UGGT1: variants seen among roughly 807,000 people sequenced by gnomAD.
UGGT1 encodes UDP-glucose glycoprotein glucosyltransferase 1.
Under a neutral mutation model 203.9 loss-of-function variants are expected in UGGT1, and 107 were observed. The ratio of observed to expected loss-of-function variants is 0.52; its 90% CI spans 0.45 to 0.62. The LOEUF (loss-of-function observed/expected upper bound fraction) is 0.62. UGGT1 is among the 20% of genes least tolerant of loss of function. The pLI is 0.00. For missense variants in UGGT1, 1,673 were observed against 1,867.2 expected, an observed-to-expected ratio of 0.90 and a Z score of 1.92; for synonymous variants, 628 against 653.5, an observed-to-expected ratio of 0.96 and a Z score of 0.59.
rs544480760 is a variant in UGGT1, at chr2:128,156,393, A to C, written c.2238A>C (p.Gly746=). 1 of 1,593,226 alleles carries C rather than the reference A, an allele frequency of 6.3e-7. No homozygotes were observed. Among genetic ancestry groups the C allele is most frequent in the South Asian group, 1.1e-5 (1 of 89,932 alleles). The change falls in exon 21 of 41, where the codon GGA becomes GGC. Residue 746 remains glycine (G), a splice_region_variant and synonymous_variant. Coordinates refer to ENST00000259253, the MANE Select transcript of UGGT1 (RefSeq NM_020120.4). ...TCTTTTCTCTTTACCTTTGTTCAGG[A>C]ATGTCCTCCAAGGAAATCTATGGTA... ...ANSMNYLTKK[G]MSSKEIYDDS... is the part of the protein sequence containing the mutation.
At chr2:128,110,546 T>C (rs973211178) in intron 5 of UGGT1, among the ~76,000 whole-genome samples, 1 of 152,218 alleles carries the variant, frequency 6.6e-6, no homozygotes, top group African/African-American at 2.4e-5. Context: ...ACAGTAGTGC[T>C]GTCTCTTGGG....
At chr2:128,128,380 T>G (rs999655153) in intron 12 of UGGT1, among the ~76,000 whole-genome samples, 1 of 151,718 alleles carries the variant, frequency 6.6e-6, no homozygotes, top group African/African-American at 2.4e-5. Context: ...GGCATGGTCT[T>G]GGCTCACTGC....
At chr2:128,112,454 T>TTATA (rs59726004) in intron 5 of UGGT1, among the ~76,000 whole-genome samples, 735 of 55,800 alleles carry the variant, frequency 0.013, 145 homozygotes, top group Middle Eastern at 0.039. Flanking sequence ...AAATACTATG[T>TTATA]TATATATATA....
intron 24 of UGGT1, 126 bp downstream of exon 24, chr2:128,160,717 G>A: frequency 5.9e-6 from 8 of 1,353,510 alleles, no homozygotes; most frequent in African/African-American, 1.5e-5. Context: ...GGCTTATGAA[G>A]TGCCATTGAT....
chr2:128,097,634 AG>A, intron 2 of UGGT1, 70 bp downstream of exon 2: 1 of 1,568,102 alleles, frequency 6.4e-7, no homozygotes, highest in South Asian at 1.1e-5. Context: ...AACATTCAGG[AG>A]CTTTTTAAGG....
At chr2:128,176,129 G>A (rs760652657) in intron 31 of UGGT1, among the ~76,000 whole-genome samples, 1 of 152,088 alleles carries the variant, frequency 6.6e-6, no homozygotes, top group Non-Finnish European at 1.5e-5. Flanking sequence ...AGTAGTGGCC[G>A]GGAGTGATGG....
chr2:128,113,320 A>C lies in UGGT1; in HGVS notation c.696+62A>C, dbSNP rs1420545274. 4 of 1,289,030 alleles carry C rather than the reference A, an allele frequency of 3.1e-6. No homozygotes were observed. The African/African-American group carries it at 4.5e-5, about 15-fold the overall frequency. The allele number at this position is 1,289,030 out of a possible 1,614,324, so 79.8% of individuals were successfully genotyped here. ...AATTTGCCTAGCATGACTTTAGAACATAAGCTAATAATCTCCCTCTTTATA... is the reference window on the plus strand; with the variant it reads ...AATTTGCCTAGCATGACTTTAGAACCTAAGCTAATAATCTCCCTCTTTATA... On this transcript the variant is annotated intron_variant, in intron 6 of 40. Transcript: ENST00000259253.
rs192653896 is a variant in UGGT1 at position 128,150,261 on chromosome 2, C to A, written c.2017-2523C>A. On this transcript the variant is annotated intron_variant, in intron 18 of 40. Coordinates refer to ENST00000259253, the MANE Select transcript of UGGT1 (RefSeq NM_020120.4). The stretch of plus-strand genomic sequence containing the variant: ...GACCAGCCTGGCTAACATAACGAGA[C>A]CTCATCTCTACAAAATAAAAAAAAT... 2.8e-3 allele frequency among the ~76,000 whole-genome samples: 421 copies of A among 152,156 alleles called. 3 individuals carry two copies. Among genetic ancestry groups the A allele is most frequent in the African/African-American group, 9.7e-3 (402 of 41,508 alleles).
intron 26 of UGGT1, among the ~76,000 whole-genome samples, chr2:128,166,169 T>A (rs1469332581): frequency 6.6e-6 from 1 of 152,256 alleles, no homozygotes; most frequent in Admixed American, 6.5e-5. Context: ...TATCCTTCAC[T>A]TAGATTCACC....
chr2:128,172,614 C>T lies in UGGT1; in HGVS notation c.3146C>T (p.Ser1049Leu). The T allele has an allele frequency of 1.2e-6, 2 of 1,614,106 alleles. No individual in the cohort carries two copies. The highest frequency in any genetic ancestry group is 1.7e-6 in the Non-Finnish European group (2 of 1,180,022). The change falls in exon 29 of 41, where the codon TCA becomes TTA. Residue 1049 changes from serine to leucine, a missense_variant. Transcript: ENST00000259253. ...YVLEPEISFT[S>L]DNSFAKGPIA... is the part of the protein sequence containing the mutation. ...TTAGAACCAGAGATTTCTTTCACTT[C>T]AGACAATAGTTTTGCTAAGGGTCCA...
intron 3 of UGGT1, 59 bp downstream of exon 3, chr2:128,104,073 T>A: frequency 7.2e-7 from 1 of 1,388,132 alleles, no homozygotes; most frequent in Non-Finnish European, 9.8e-7. Context: ...TAGGAAAAAA[T>A]TGTCTCTTTA....
At chr2:128,178,266 C>T (rs569918586) in intron 33 of UGGT1, among the ~76,000 whole-genome samples, 27 of 152,278 alleles carry the variant, frequency 1.8e-4, no homozygotes, top group East Asian at 1.2e-3. Context: ...ACAACACTGT[C>T]GGAGAGTGAA....
chr2:128,108,771 C>T (rs968178406), intron 4 of UGGT1, among the ~76,000 whole-genome samples: 1 of 152,160 alleles, frequency 6.6e-6, no homozygotes, highest in Admixed American at 6.5e-5. Flanking sequence ...ATGGAAAGCC[C>T]TCCGTGTACT....
At position 128,170,221 on chromosome 2, in the gene UGGT1, A is replaced by G. The variant is rs112239409; in HGVS notation, c.2922-67A>G. ...AAATGCTAAGAAGGTTGAAGGTTAT[A>G]TTGTACAAAAAAAACTTTTGTTTCC... On this transcript the variant is annotated intron_variant, in intron 26 of 40. Transcript: ENST00000259253. The G allele has an allele frequency of 1.2e-3, 1,623 of 1,347,704 alleles. 20 individuals are homozygous for G. In the African/African-American group the frequency reaches 0.017, roughly 14 times the overall value. 83.5% of individuals were successfully genotyped at this position (1,347,704 alleles called of 1,614,324 possible). A position where few individuals can be genotyped will look rare whatever the true frequency, so the allele number is the denominator to read the frequency against.
At position 128,182,158 on chromosome 2, in the gene UGGT1, G is replaced by A; in HGVS notation, c.4112G>A (p.Arg1371Lys). The change falls in exon 37 of 41, where the codon AGA (arginine) becomes AAA (lysine). Residue 1371 changes from arginine to lysine, a missense_variant. Transcript: ENST00000259253. ...QIVRTDLKEL[R>K]DFNLDGAPYG... ...GTACGAACAGATCTGAAAGAGTTAA[G>A]AGATTTCAATTTGGATGGTGCTCCT... 7 of 1,614,060 alleles carry A rather than the reference G, an allele frequency of 4.3e-6. 1 individual carries two copies. Among genetic ancestry groups the A allele is most frequent in the Non-Finnish European group, 5.9e-6 (7 of 1,179,972 alleles).
rs1336285756 is a variant in UGGT1, at chr2:128,156,379, T to TA, written c.2237-12dup. On this transcript the variant is annotated splice_polypyrimidine_tract_variant and intron_variant, in intron 20 of 40. Coordinates refer to ENST00000259253, the MANE Select transcript of UGGT1 (RefSeq NM_020120.4). ...TACTTTTTTTCTACTCTTTTCTCTTTACCTTTGTTCAGGAATGTCCTCCAA... is the reference window on the plus strand; with the variant it reads ...TACTTTTTTTCTACTCTTTTCTCTTTAACCTTTGTTCAGGAATGTCCTCCAA... 1 of 1,587,074 alleles carries TA rather than the reference T, an allele frequency of 6.3e-7. No individual in the cohort carries two copies. The highest frequency in any genetic ancestry group is 8.6e-7 in the Non-Finnish European group (1 of 1,157,002).
At chr2:128,121,176 A>C in intron 9 of UGGT1, 23 bp from the exon 10 acceptor site, 1 of 1,609,580 alleles carries the variant, frequency 6.2e-7, no homozygotes, top group Non-Finnish European at 8.5e-7. Context: ...ATCCACTTTT[A>C]ATTATATTTG....
chr2:128,112,062 G>A (rs1331770004), intron 5 of UGGT1, among the ~76,000 whole-genome samples: 1 of 151,402 alleles, frequency 6.6e-6, no homozygotes, highest in African/African-American at 2.4e-5. Flanking sequence ...TGAGCTGAGC[G>A]ATCACGCGAC....
Position 128,091,379 on chromosome 2 carries a change from A to G in UGGT1, c.22A>G (p.Ser8Gly), listed in dbSNP as rs1385668347. 3.2e-6 allele frequency: 5 copies of G among 1,575,028 alleles called. No homozygotes were observed. The highest frequency in any genetic ancestry group is 4.3e-6 in the Non-Finnish European group (5 of 1,160,484). ...GGGCATGGGCTGCAAGGGAGACGCG[A>G]GCGGTGCGTGTGCCGCGGGTGCGCT... MGCKGDA[S>G]GACAAGALPV... The change falls in exon 1 of 41, where the codon AGC becomes GGC. Residue 8 changes from serine to glycine, a missense_variant. Physicochemically the swap from Ser to Gly is moderately conservative, Grantham distance 56. Around this residue, in one of 4 missense-constraint regions of UGGT1, gnomAD observed 83 missense variants for 87.2 expected, o/e 0.95. Transcript: ENST00000259253.
Sources: allele counts gnomAD v4.1 joint callset (sites outside exome capture counted in the v4.1 genomes callset), GRCh38; gene constraint gnomAD v4.1.1; regional missense constraint gnomAD v4.1.1; transcripts MANE v1.5; gene names NCBI Gene and HGNC (gene_info 2026-07-23, HGNC 2026-07-21).